The following LTBP4 variants were observed in gnomAD, a reference collection of about 807,000 sequenced individuals.
LTBP4 encodes the protein latent transforming growth factor beta binding protein 4, also known as latent-transforming growth factor beta-binding protein 4.
A neutral mutation model predicts 180.2 loss-of-function variants in LTBP4; 93 were observed. The ratio of observed to expected loss-of-function variants is 0.52; its 90% CI spans 0.44 to 0.61. The LOEUF (loss-of-function observed/expected upper bound fraction) is 0.61. Ranked by LOEUF, LTBP4 falls within the 20% of genes least tolerant of loss-of-function variation. The pLI is 0.00. For missense variants in LTBP4, 2,116 were observed against 2,256.5 expected (o/e 0.94, Z 1.26); for synonymous variants, 947 against 934.5 (o/e 1.01, Z -0.24).
Position 40,605,865 on chromosome 19 carries a change from C to A in LTBP4, c.793+34C>A, listed in dbSNP as rs1414970000. On this transcript the variant is annotated intron_variant, in intron 4 of 29. Coordinates refer to ENST00000396819, the MANE Select transcript of LTBP4 (RefSeq NM_001042545.2). The surrounding 1 kb of genome is among the most constrained non-coding windows in gnomAD (Gnocchi z 5.5). ...CAGGACGTCCCCGAAGTGCTCGGAG[C>A]TGGGGAGTGGTGACAACCTCACCGT... 1 of 1,528,666 alleles carries A rather than the reference C, an allele frequency of 6.5e-7. No individual in the cohort carries two copies. Among genetic ancestry groups the A allele is most frequent in the South Asian group, 1.2e-5 (1 of 83,698 alleles). The allele number at this position is 1,528,666 out of a possible 1,614,324, so 94.7% of individuals were successfully genotyped here.
intron 22 of LTBP4, among the ~76,000 whole-genome samples, chr19:40,621,035 T>C (rs781607398): frequency 1.3e-4 from 19 of 151,772 alleles, no homozygotes; most frequent in Non-Finnish European, 1.9e-4. Flanking sequence ...TCCACCTCCC[T>C]GGTTCAAGTG....
At chr19:40,623,170 C>CT in intron 24 of LTBP4, 149 bp downstream of exon 24, 2 of 492,326 alleles carry the variant, frequency 4.1e-6, no homozygotes, top group South Asian at 4.2e-5. Context: ...TCTTTCTTTT[C>CT]TTTCTTTTTT....
rs1402058173 is a variant in LTBP4 at position 40,621,254 on chromosome 19, T to C, written c.3218-1147T>C. 3.9e-5 allele frequency among the ~76,000 whole-genome samples: 6 copies of C among 152,152 alleles called. No homozygotes were observed. The East Asian group carries it at 1.2e-3, about 29-fold the overall frequency. On this transcript the variant is annotated intron_variant, in intron 22 of 29. Coordinates refer to ENST00000396819, the MANE Select transcript of LTBP4 (RefSeq NM_001042545.2). ...CACCATGCTCGGCCCAACAGCCAGT[T>C]TTTCAACCCTTGTACCTCTGTCCCT...
chr19:40,598,804 C>A (rs1367343750), upstream of LTBP4, among the ~76,000 whole-genome samples: 3 of 152,168 alleles, frequency 2.0e-5, no homozygotes, highest in Admixed American at 1.3e-4. Context: ...GCGTCTGAGT[C>A]CCGGACCGGG....
upstream of LTBP4, chr19:40,597,104 C>A (rs2081394584): frequency 3.3e-6 from 3 of 897,878 alleles, no homozygotes; most frequent in African/African-American, 1.7e-5. Flanking sequence ...AAGTTCGCAG[C>A]CCGTGGCTGG....
rs761574202 is a variant in LTBP4 at position 40,611,993 on chromosome 19, G to GGGGA, written c.2179+20_2179+23dup. On this transcript the variant is annotated intron_variant, in intron 14 of 29. Transcript: ENST00000396819. This position sits in a 1 kb window ranked among gnomAD's most constrained non-coding sequence, Gnocchi z 4.4. ...TGGCTCCGAGTGCGAGGGTGAGGCC[G>GGGGA]GGGAGGGAGGGAGGAGTGTGGATGG... is the stretch of plus-strand genomic sequence containing the variant. 4.3e-5 allele frequency: 70 copies of GGGGA among 1,610,936 alleles called. No individual in the cohort carries two copies. Among genetic ancestry groups the GGGGA allele is most frequent in the Non-Finnish European group, 5.5e-5 (65 of 1,178,214 alleles).
rs1337601707 is a variant in LTBP4, at chr19:40,617,471, C to G, written c.3070+246C>G. On this transcript the variant is annotated intron_variant, in intron 21 of 29. Coordinates refer to ENST00000396819, the MANE Select transcript of LTBP4 (RefSeq NM_001042545.2). Reference sequence around the variant, plus strand: ...CCAGCCTGGTCAACATGGTGAAACCCCGTCTCTACTAAAAATACAAAAATT... The same window carrying G: ...CCAGCCTGGTCAACATGGTGAAACCGCGTCTCTACTAAAAATACAAAAATT... 2.6e-5 allele frequency among the ~76,000 whole-genome samples: 4 copies of G among 152,012 alleles called. No individual in the cohort carries two copies. The East Asian group carries it at 7.7e-4, about 29-fold the overall frequency.
Position 40,627,821 on chromosome 19 carries a change from G to C in LTBP4, c.4483G>C (p.Gly1495Arg). The C allele has an allele frequency of 3.2e-6, 5 of 1,570,872 alleles. No individual in the cohort carries two copies. Among genetic ancestry groups the C allele is most frequent in the Non-Finnish European group, 4.3e-6 (5 of 1,163,842 alleles). The change falls in exon 29 of 30, where the codon GGC becomes CGC. Residue 1495 changes from glycine to arginine, a missense_variant. Coordinates refer to ENST00000396819, the MANE Select transcript of LTBP4 (RefSeq NM_001042545.2). ...PEGFTCRCFD[G>R]YRLDMTRMAC... ...AGGCTTCACCTGCCGTTGCTTCGAC[G>C]GCTACCGCCTGGACATGACCCGCAT...
Position 40,607,504 on chromosome 19 carries a change from C to T in LTBP4, c.1131C>T (p.Cys377=). The change falls in exon 7 of 30, where the codon TGC becomes TGT. Residue 377 remains cysteine (C), a synonymous_variant. Coordinates refer to ENST00000396819, the MANE Select transcript of LTBP4 (RefSeq NM_001042545.2). The part of the protein sequence containing the change: ...SRVGKAWGRG[C]QLCPPFGSEG... Reference sequence around the variant, plus strand: ...TAGGCAAGGCCTGGGGCCGGGGCTGCCAGCTCTGCCCACCCTTCGGCTCAG... The same window carrying T: ...TAGGCAAGGCCTGGGGCCGGGGCTGTCAGCTCTGCCCACCCTTCGGCTCAG... 6.2e-7 allele frequency: 1 copy of T among 1,611,570 alleles called. No homozygotes were observed. The highest frequency in any genetic ancestry group is 8.5e-7 in the Non-Finnish European group (1 of 1,179,090).
chr19:40,610,409 G>A (rs1319026346), intron 11 of LTBP4, 123 bp from the exon 12 acceptor site: 13 of 1,195,198 alleles, frequency 1.1e-5, no homozygotes, highest in African/African-American at 1.5e-5. Context: ...GTCCTGGCCG[G>A]GTCCCCATCC....
upstream of LTBP4, chr19:40,599,465 C>T: frequency 6.2e-7 from 1 of 1,613,862 alleles, no homozygotes; most frequent in African/African-American, 1.3e-5. Context: ...GTGTGCAGGC[C>T]CCCAGCGGTG....
In LTBP4 at chr19:40,606,391, C is replaced by T. The variant is rs755555038; in HGVS notation, c.869-13C>T. 1.2e-6 allele frequency: 2 copies of T among 1,607,192 alleles called. No individual in the cohort carries two copies. The highest frequency in any genetic ancestry group is 1.3e-5 in the African/African-American group (1 of 74,962). On this transcript the variant is annotated splice_polypyrimidine_tract_variant and intron_variant, in intron 5 of 29. Coordinates refer to ENST00000396819, the MANE Select transcript of LTBP4 (RefSeq NM_001042545.2). ...AGTTCCTGACTCCACGGTGACCTCC[C>T]CAACCCTGGCAGATGTGGATGAGTG...
At position 40,613,569 on chromosome 19, in the gene LTBP4, C is replaced by T; in HGVS notation, c.2557+40C>T. ...TGATCCTGGCCCCGGAAAGGGTGGG[C>T]TTAGGGCAGGAAAAGGCGGGACGGG... On this transcript the variant is annotated intron_variant, in intron 17 of 29. Coordinates refer to ENST00000396819, the MANE Select transcript of LTBP4 (RefSeq NM_001042545.2). The surrounding 1 kb of genome is among the most constrained non-coding windows in gnomAD (Gnocchi z 5.0). The T allele has an allele frequency of 6.4e-7, 1 of 1,551,064 alleles. No homozygotes were observed. Among genetic ancestry groups the T allele is most frequent in the Non-Finnish European group, 8.7e-7 (1 of 1,150,420 alleles).
chr19:40,616,991 A>G lies in LTBP4; in HGVS notation c.2915A>G (p.Tyr972Cys). ...YRCTPACDPG[Y>C]QPTPGGGCQD... ...TGCACACCAGCCTGTGACCCTGGCTATCAGCCCACGCCAGGGGGCGGATGC... is the reference window on the plus strand; with the variant it reads ...TGCACACCAGCCTGTGACCCTGGCTGTCAGCCCACGCCAGGGGGCGGATGC... The change falls in exon 20 of 30, where the codon TAT becomes TGT. Residue 972 changes from tyrosine to cysteine, a missense_variant. By Grantham distance (194) the Tyr-to-Cys change is radical (BLOSUM62 -2). Transcript: ENST00000396819. 1 of 1,613,902 alleles carries G rather than the reference A, an allele frequency of 6.2e-7. No homozygotes were observed. Among genetic ancestry groups the G allele is most frequent in the Non-Finnish European group, 8.5e-7 (1 of 1,179,790 alleles).
upstream of LTBP4, chr19:40,599,850 T>G: frequency 1.9e-6 from 1 of 524,568 alleles, no homozygotes; most frequent in South Asian, 3.1e-5. Flanking sequence ...TAAGTCTCTC[T>G]GCCCCTTCTC....
Position 40,614,055 on chromosome 19 carries a change from C to A in LTBP4, c.2680+17C>A, listed in dbSNP as rs778234718. 2 of 1,611,194 alleles carry A rather than the reference C, an allele frequency of 1.2e-6. No homozygotes were observed. The highest frequency in any genetic ancestry group is 1.7e-5 in the Admixed American group (1 of 59,918). ...CCTGCCTCGGTGAGAGGCCCCGCCC[C>A]GGCCTGATCCCTCCTCCCTTCGACT... On this transcript the variant is annotated intron_variant, in intron 18 of 29. Coordinates refer to ENST00000396819, the MANE Select transcript of LTBP4 (RefSeq NM_001042545.2).
At chr19:40,625,142 T>C (rs1433668436) in intron 26 of LTBP4, among the ~76,000 whole-genome samples, 3 of 148,782 alleles carry the variant, frequency 2.0e-5, no homozygotes, top group African/African-American at 7.4e-5. Flanking sequence ...AGTGGCACAA[T>C]CACAGCTCAC....
At position 40,605,881 on chromosome 19, in the gene LTBP4, A is replaced by G. The variant is rs184675321; in HGVS notation, c.793+50A>G. 6.3e-4 allele frequency: 953 copies of G among 1,508,486 alleles called. 10 individuals are homozygous for G. The East Asian group carries it at 0.018, about 28-fold the overall frequency. 93.4% of individuals were successfully genotyped at this position (1,508,486 alleles called of 1,614,324 possible). On this transcript the variant is annotated intron_variant, in intron 4 of 29. Transcript: ENST00000396819. The surrounding 1 kb of genome is among the most constrained non-coding windows in gnomAD (Gnocchi z 5.5). ...TGCTCGGAGCTGGGGAGTGGTGACA[A>G]CCTCACCGTTCCTCCTACTCTGCCC...
At chr19:40,616,737 A>T (rs1444628609) in intron 19 of LTBP4, among the ~76,000 whole-genome samples, 152 bp from the exon 20 acceptor site, 1 of 152,232 alleles carries the variant, frequency 6.6e-6, no homozygotes, top group Non-Finnish European at 1.5e-5. Flanking sequence ...CTCAAAGAAA[A>T]AACAAAGTTT....
Sources: allele counts gnomAD v4.1 joint callset (sites outside exome capture counted in the v4.1 genomes callset), GRCh38; gene constraint gnomAD v4.1.1; non-coding constraint Gnocchi (gnomAD v3.1); transcripts MANE v1.5; gene names NCBI Gene and HGNC (gene_info 2026-07-23, HGNC 2026-07-21).